PDE4DIP: variants seen among roughly 807,000 people sequenced by gnomAD.
PDE4DIP encodes the protein phosphodiesterase 4D interacting protein, also known as myomegalin.
A neutral mutation model predicts 221.4 loss-of-function variants in PDE4DIP; 59 were observed. The ratio of observed to expected loss-of-function variants is 0.27; its 90% CI spans 0.22 to 0.33. The LOEUF (loss-of-function observed/expected upper bound fraction) is 0.33. Ranked by LOEUF, PDE4DIP falls within the 10% of genes least tolerant of loss-of-function variation. The pLI is 1.00. For synonymous variants in PDE4DIP, 404 were observed against 815.9 expected (o/e 0.50, Z 8.60); for missense variants, 1,036 against 2,154.2 (o/e 0.48, Z 10.28).
rs1303099961 is a variant in PDE4DIP, at chr1:148,902,748, C to CAT, written c.141+12867_141+12868dup. Among the ~76,000 whole-genome samples, 28 of 92,902 alleles carry CAT rather than the reference C, an allele frequency of 3.0e-4. 1 individual carries two copies. Among genetic ancestry groups the CAT allele is most frequent in the East Asian group, 1.2e-3 (2 of 1,688 alleles). 60.9% of individuals were successfully genotyped at this position (92,902 alleles called of 152,430 possible). Reference sequence around the variant, plus strand: ...TATATATATATATATATATATCCATCATATATATATATATGTGTGTGTATA... The same window carrying CAT: ...TATATATATATATATATATATCCATCATATATATATATATATGTGTGTGTATA... On this transcript the variant is annotated intron_variant, in intron 1 of 43. Transcript: ENST00000369354.
chr1:149,001,558 G>C (rs371984009), intron 23 of PDE4DIP, 33 bp from the exon 27 acceptor site: 5 of 979,836 alleles, frequency 5.1e-6, no homozygotes, highest in Non-Finnish European at 1.5e-6. Flanking sequence ...GTGAGGACCA[G>C]ACCTAGCCCT....
intron 21 of PDE4DIP, chr1:148,984,606 A>G (rs1553547385): frequency 6.6e-6 from 1 of 152,126 alleles, no homozygotes; most frequent in Non-Finnish European, 1.5e-5. Context: ...CATAGCTTCA[A>G]AAACTGTTCA....
exon 23 of PDE4DIP, chr1:148,998,306 C>G: frequency 2.5e-6 from 4 of 1,612,838 alleles, no homozygotes; most frequent in Non-Finnish European, 3.4e-6. Context: ...AAGAGGAAAG[C>G]TGAGGAGGAA....
At chr1:149,001,056 AG>A in intron 23 of PDE4DIP, among the ~76,000 whole-genome samples, 1 of 152,242 alleles carries the variant, frequency 6.6e-6, no homozygotes, top group South Asian at 2.1e-4. Context: ...GCTCTCAAGA[AG>A]GTTATCTCTA....
chr1:148,981,202 G>A, intron 20 of PDE4DIP, 68 bp from the exon 24 acceptor site: 1 of 1,494,936 alleles, frequency 6.7e-7, no homozygotes, highest in East Asian at 2.3e-5. Flanking sequence ...TGGTTCTTTG[G>A]AAACAAATGT....
At chr1:148,999,977 T>C (rs1457237666) in intron 23 of PDE4DIP, among the ~76,000 whole-genome samples, 1 of 151,802 alleles carries the variant, frequency 6.6e-6, no homozygotes, top group African/African-American at 2.4e-5. Flanking sequence ...AAATATTCTT[T>C]TCCATATACA....
exon 44 of PDE4DIP, chr1:149,032,862 G>T (rs1446750290): frequency 1.4e-5 from 3 of 207,944 alleles, no homozygotes; most frequent in Admixed American, 5.9e-5. Flanking sequence ...ATGTGTTTGT[G>T]TGTATAAATA....
chr1:148,979,609 G>C (rs1238331817), intron 19 of PDE4DIP, 128 bp from the exon 23 acceptor site: 1 of 721,806 alleles, frequency 1.4e-6, no homozygotes, highest in Non-Finnish European at 2.3e-6. Flanking sequence ...CTATAAAATA[G>C]TATCAAAAGC....
intron 9 of PDE4DIP, among the ~76,000 whole-genome samples, chr1:148,963,628 G>T (rs1390854309): frequency 2.6e-5 from 4 of 151,142 alleles, no homozygotes; most frequent in African/African-American, 9.7e-5. Flanking sequence ...GAACCACTAA[G>T]GTCAGAGGAA....
Position 148,923,772 on chromosome 1 carries a change from C to T in PDE4DIP, c.142-5425C>T, listed in dbSNP as rs1325229870. The stretch of plus-strand genomic sequence containing the variant: ...ACAGGCGTGAGCCACCGCGCCCGAG[C>T]TGCGGTTATTTGTATCAGACATTGT... On this transcript the variant is annotated intron_variant, in intron 1 of 43. Transcript: ENST00000369354. 2.1e-5 allele frequency among the ~76,000 whole-genome samples: 3 copies of T among 146,296 alleles called. 1 individual carries two copies. Among genetic ancestry groups the T allele is most frequent in the African/African-American group, 7.9e-5 (3 of 38,130 alleles).
intron 21 of PDE4DIP, among the ~76,000 whole-genome samples, chr1:148,987,891 A>C (rs2062189206): frequency 6.6e-6 from 1 of 152,006 alleles, no homozygotes; most frequent in Non-Finnish European, 1.5e-5. Context: ...ACATAATGAG[A>C]CCTCATCTGT....
At position 148,920,203 on chromosome 1, in the gene PDE4DIP, G is replaced by A. The variant is rs1457597362; in HGVS notation, c.142-8994G>A. Among the ~76,000 whole-genome samples the A allele has an allele frequency of 6.2e-5, 9 of 145,394 alleles. No individual in the cohort carries two copies. In the East Asian group the frequency reaches 9.8e-4, roughly 16 times the overall value. On this transcript the variant is annotated intron_variant, in intron 1 of 43. Transcript: ENST00000369354. ...GCTGGAGTGCAGTGGCGCAATCTTC[G>A]CTCACCGAAACCTCCGCCTCCTGGG...
chr1:148,887,484 CG>C (rs1696530885), upstream of PDE4DIP, among the ~76,000 whole-genome samples: 1 of 110,038 alleles, frequency 9.1e-6, no homozygotes, highest in Non-Finnish European at 1.9e-5. Context: ...GGCGCGGTGG[CG>C]GGCACCTGTA....
chr1:148,961,998 G>A (rs370454944), intron 7 of PDE4DIP, 42 bp downstream of exon 10: 72 of 838,482 alleles, frequency 8.6e-5, no homozygotes, highest in Non-Finnish European at 1.4e-4. Flanking sequence ...GAAACAATTG[G>A]TCCCTTCAAA....
Position 148,941,560 on chromosome 1 carries a change from G to A in PDE4DIP, c.636+3696G>A, listed in dbSNP as rs587657096. Reference sequence around the variant, plus strand: ...ACTGAGGATTGCTTGAAGAGCATCTGAGATAATTGATGTCACCTCCTCAGA... The same window carrying A: ...ACTGAGGATTGCTTGAAGAGCATCTAAGATAATTGATGTCACCTCCTCAGA... On this transcript the variant is annotated intron_variant, in intron 5 of 43. Coordinates refer to ENST00000369354, the Ensembl canonical transcript of PDE4DIP. 4.3e-5 allele frequency among the ~76,000 whole-genome samples: 5 copies of A among 115,200 alleles called. No individual in the cohort carries two copies. In the South Asian group the frequency reaches 1.5e-3, roughly 35 times the overall value. The allele number at this position is 115,200 out of a possible 152,430, so 75.6% of individuals were successfully genotyped here.
intron 1 of PDE4DIP, among the ~76,000 whole-genome samples, chr1:148,834,200 T>C (rs1481648875): frequency 3.4e-5 from 4 of 119,312 alleles, no homozygotes; most frequent in African/African-American, 1.1e-4. Context: ...TGGCCTTCTT[T>C]GTCTCTTTTG....
intron 14 of PDE4DIP, among the ~76,000 whole-genome samples, chr1:148,971,490 A>G (rs1474448943): frequency 1.8e-4 from 28 of 152,106 alleles, no homozygotes; most frequent in Admixed American, 3.9e-4. Context: ...GTATATACTC[A>G]AGGTGTACAG....
intron 23 of PDE4DIP, among the ~76,000 whole-genome samples, chr1:148,999,742 C>T (rs1553572181): frequency 2.6e-5 from 4 of 151,866 alleles, no homozygotes; most frequent in Admixed American, 2.6e-4. Context: ...ACAATCAAAC[C>T]ATCTATAGCT....
At chr1:148,882,044 A>C (rs587636101) in intron 3 of PDE4DIP, among the ~76,000 whole-genome samples, 59 of 122,040 alleles carry the variant, frequency 4.8e-4, no homozygotes, top group African/African-American at 2.0e-3. Flanking sequence ...CAAAACAGCC[A>C]GGAATTAAAC....
Sources: gnomAD v4.1 joint callset for allele counts (sites outside exome capture counted in the v4.1 genomes callset) on GRCh38, gnomAD v4.1.1 for gene constraint, MANE v1.5 for transcripts, NCBI Gene and HGNC (gene_info 2026-07-23, HGNC 2026-07-21) for gene names.